Variants in ZNF888 observed in about 807,000 individuals in gnomAD.
ZNF888 encodes zinc finger protein 888.
In ZNF888, 5 loss-of-function variants were observed where a neutral mutation model predicts 7.2. That is an observed-to-expected ratio of 0.70 (90% CI 0.36 to 1.46). The LOEUF is 1.46. Ranked by LOEUF, ZNF888 falls within the 40% of genes most tolerant of loss-of-function variation. The probability of loss-of-function intolerance (pLI) is 0.03; values close to 1 mark genes in which losing one functional copy is unlikely to be tolerated. For missense variants in ZNF888, 716 were observed against 858.0 expected (o/e 0.83, Z 2.07); for synonymous variants, 240 against 284.3 (o/e 0.84, Z 1.57).
chr19:52,911,770 C>G (rs573907590), intron 4 of ZNF888, among the ~76,000 whole-genome samples: 2 of 152,192 alleles, frequency 1.3e-5, no homozygotes, highest in South Asian at 4.2e-4. Context: ...GTAAGACTTG[C>G]AATAAATGAA....
chr19:52,918,339 T>C (rs76590246), intron 2 of ZNF888: 4,650 of 291,470 alleles, frequency 0.016, 214 homozygotes, highest in African/African-American at 0.1. Context: ...AAAATACAAA[T>C]ACTTAGCCAG....
At position 52,919,450 on chromosome 19, in the gene ZNF888, T is replaced by A. The variant is rs574826158; in HGVS notation, c.-177-513A>T. 1.4e-3 allele frequency among the ~76,000 whole-genome samples: 95 copies of A among 70,118 alleles called. 31 individuals carry two copies. In the South Asian group the frequency reaches 0.041, roughly 30 times the overall value. 46.0% of individuals were successfully genotyped at this position (70,118 alleles called of 152,430 possible). A position where few individuals can be genotyped will look rare whatever the true frequency, so the allele number is the denominator to read the frequency against. ...GCCGGGATTGCAGACGGAGTCTCGTTCACTCAGTGCTCAATGGTGCCCAGG... is the reference window on the plus strand; with the variant it reads ...GCCGGGATTGCAGACGGAGTCTCGTACACTCAGTGCTCAATGGTGCCCAGG... On this transcript the variant is annotated intron_variant, in intron 1 of 4. Coordinates refer to ENST00000638862, the MANE Select transcript of ZNF888 (RefSeq NM_001393938.1).
chr19:52,918,016 T>A (rs2064771305), intron 2 of ZNF888, 85 bp from the exon 3 acceptor site: 1 of 1,518,154 alleles, frequency 6.6e-7, no homozygotes, highest in Non-Finnish European at 8.8e-7. Context: ...CAACGACACA[T>A]ACAAAGGAGA....
chr19:52,908,021 G>A lies in ZNF888; in HGVS notation c.301C>T (p.Gln101Ter). 7 of 1,613,962 alleles carry A rather than the reference G, an allele frequency of 4.3e-6. No homozygotes were observed. Among genetic ancestry groups the A allele is most frequent in the Non-Finnish European group, 5.9e-6 (7 of 1,179,954 alleles). Residue 101 changes from glutamine (Q) to a stop codon, truncating the protein, a stop_gained, in exon 5 of 5, where the codon CAA becomes TAA. Coordinates refer to ENST00000638862, the MANE Select transcript of ZNF888 (RefSeq NM_001393938.1). LOFTEE classifies it low-confidence loss of function (END_TRUNC). ...TCATGGCCATTTGTTTCATCTTCTT[G>A]CCACTGAAACACAAAGTCATGAATG... Reference protein sequence around the residue: ...KDIHDFVFQWQEDETNGHEAP... With the variant: ...KDIHDFVFQW
rs902786998 is a variant in ZNF888 at position 52,904,634 on chromosome 19, A to G, written c.*1531T>C. 2.0e-5 allele frequency: 3 copies of G among 152,198 alleles called. No individual in the cohort carries two copies. Among genetic ancestry groups the G allele is most frequent in the East Asian group, 3.8e-4 (2 of 5,198 alleles). 9.4% of individuals were successfully genotyped at this position (152,198 alleles called of 1,614,324 possible). A position where few individuals can be genotyped will look rare whatever the true frequency, so the allele number is the denominator to read the frequency against. ...AAAGAACAGAGCAGGGAGTTTCACA[A>G]TGTTCTTCTATACAATGTCTGGAAT... On this transcript the variant is annotated 3_prime_UTR_variant, in exon 5 of 5. Coordinates refer to ENST00000638862, the MANE Select transcript of ZNF888 (RefSeq NM_001393938.1).
intron 4 of ZNF888, chr19:52,913,796 T>G: frequency 1.1e-6 from 1 of 937,386 alleles, no homozygotes; most frequent in Non-Finnish European, 1.3e-6. Flanking sequence ...CTTAAACCAC[T>G]TATATGTTTA....
At chr19:52,923,052 G>A (rs2064840757) in intron 1 of ZNF888, among the ~76,000 whole-genome samples, 1 of 152,212 alleles carries the variant, frequency 6.6e-6, no homozygotes, top group African/African-American at 2.4e-5. Flanking sequence ...AAGCGCCAGA[G>A]CAGGGATCCA....
chr19:52,912,963 C>T (rs1033406179), intron 4 of ZNF888, among the ~76,000 whole-genome samples: 73 of 151,978 alleles, frequency 4.8e-4, no homozygotes, highest in African/African-American at 1.7e-3. Flanking sequence ...CAAAATTAGC[C>T]GGGTGTGGCG....
intron 2 of ZNF888, chr19:52,918,185 G>C: frequency 1.0e-6 from 1 of 985,406 alleles, no homozygotes; most frequent in South Asian, 4.7e-5. Flanking sequence ...CACAGACCCA[G>C]ACCTGACCAA....
chr19:52,917,504 T>G, intron 3 of ZNF888: 1 of 610,918 alleles, frequency 1.6e-6, no homozygotes. Flanking sequence ...TGACTTCCAT[T>G]GGCAGCTACT....
rs1446747729 is a variant in ZNF888 at position 52,917,778 on chromosome 19, C to T, written c.15+81G>A. 6.2e-6 allele frequency: 10 copies of T among 1,604,860 alleles called. No individual in the cohort carries two copies. The East Asian group carries it at 1.6e-4, about 25-fold the overall frequency. ...AACCTGTCACGCAGGATGCTTCAGACTCAGAGAAGTTTCCCAACTCCAAGG... is the reference window on the plus strand; with the variant it reads ...AACCTGTCACGCAGGATGCTTCAGATTCAGAGAAGTTTCCCAACTCCAAGG... On this transcript the variant is annotated intron_variant, in intron 3 of 4. Transcript: ENST00000638862.
intron 4 of ZNF888, among the ~76,000 whole-genome samples, chr19:52,912,083 G>A (rs987700317): frequency 5.3e-5 from 8 of 151,166 alleles, no homozygotes; most frequent in African/African-American, 1.9e-4. Context: ...AAAGTGCTGG[G>A]CTCACAGGAG....
At position 52,906,651 on chromosome 19, in the gene ZNF888, T is replaced by G; in HGVS notation, c.1671A>C (p.Lys557Asn). ...EKRYKCNECG[K>N]SFNHKSSLAY... ...CAAGGCTTGATTTGTGATTAAAACT[T>G]TTGCCACATTCATTACACTTGTAAC... Residue 557 changes from lysine (K) to asparagine (N), a missense_variant, in exon 5 of 5, where the codon AAA becomes AAC. Physicochemically the swap from Lys to Asn is moderately conservative, Grantham distance 94 (BLOSUM62 0). This residue lies in a region of ZNF888 where 697 missense variants were observed against 803.4 expected (regional missense o/e 0.87). Transcript: ENST00000638862. 1 of 1,613,278 alleles carries G rather than the reference T, an allele frequency of 6.2e-7. No homozygotes were observed. The highest frequency in any genetic ancestry group is 8.5e-7 in the Non-Finnish European group (1 of 1,179,668).
intron 1 of ZNF888, among the ~76,000 whole-genome samples, chr19:52,922,307 A>T (rs2064830463): frequency 6.6e-6 from 1 of 151,330 alleles, no homozygotes; most frequent in Non-Finnish European, 1.5e-5. Context: ...CTTCCCCGTT[A>T]TACCCCCCTG....
chr19:52,913,320 C>CTTTTTTTTT (rs34481338), intron 4 of ZNF888, among the ~76,000 whole-genome samples: 4 of 92,074 alleles, frequency 4.3e-5, no homozygotes, highest in Non-Finnish European at 8.3e-5. Flanking sequence ...GTTATGGATT[C>CTTTTTTTTT]TTTTTTTTTT....
Position 52,907,671 on chromosome 19 carries a change from A to G in ZNF888, c.651T>C (p.Asn217=), listed in dbSNP as rs1364417499. The G allele has an allele frequency of 7.5e-6, 12 of 1,606,422 alleles. No homozygotes were observed. The highest frequency in any genetic ancestry group is 1.0e-5 in the Non-Finnish European group (12 of 1,177,090). ...TACAATTAAAGGATTTGCCACTCTC[A>G]TTAAATTGGAAAGATTTTTCTTTCC... The part of the protein sequence containing the change: ...VHRKEKSFQF[N]ESGKSFNCSS... Residue 217 remains asparagine, a synonymous_variant, in exon 5 of 5, where the codon AAT becomes AAC. Coordinates refer to ENST00000638862, the MANE Select transcript of ZNF888 (RefSeq NM_001393938.1).
intron 1 of ZNF888, among the ~76,000 whole-genome samples, chr19:52,920,066 T>A (rs1160454795): frequency 2.4e-5 from 1 of 41,532 alleles, no homozygotes; most frequent in African/African-American, 9.6e-5. Flanking sequence ...GGAGGGAGGT[T>A]GGGGGGTCAG....
rs140218021 is a variant in ZNF888 at position 52,922,872 on chromosome 19, G to A, written c.-178+497C>T. ...CTCAGGGAAAGCGGTGACTGCGGAG[G>A]GGAGACTTGGGGAGCAACAGGGCCC... On this transcript the variant is annotated intron_variant, in intron 1 of 4. Transcript: ENST00000638862. Among the ~76,000 whole-genome samples, 21 of 151,730 alleles carry A rather than the reference G, an allele frequency of 1.4e-4. No homozygotes were observed. In the East Asian group the frequency reaches 4.1e-3, roughly 30 times the overall value.
chr19:52,920,517 G>GGAAAAAAAAAAAAA (rs2064813371), intron 1 of ZNF888, among the ~76,000 whole-genome samples: 1 of 17,404 alleles, frequency 5.7e-5, no homozygotes, highest in Non-Finnish European at 1.0e-4. Flanking sequence ...AAAAAAAAAA[G>GGAAAAAAAAAAAAA]AAAAAAAAAG....
Sources: gnomAD v4.1 joint callset for allele counts (sites outside exome capture counted in the v4.1 genomes callset) on GRCh38, gnomAD v4.1.1 for gene constraint, gnomAD v4.1.1 regional missense constraint, MANE v1.5 for transcripts, NCBI Gene and HGNC (gene_info 2026-07-23, HGNC 2026-07-21) for gene names.